Variants in DNAJB14 observed in about 807,000 individuals in gnomAD.
The protein encoded by DNAJB14 is DnaJ heat shock protein family (Hsp40) member B14.
A neutral mutation model predicts 48.4 loss-of-function variants in DNAJB14; 22 were observed. That is an observed-to-expected ratio of 0.45 (90% CI 0.32 to 0.65). DNAJB14 has a LOEUF of 0.65. DNAJB14 is among the 30% of genes least tolerant of loss of function. The pLI, the probability that DNAJB14 is intolerant of heterozygous loss-of-function variation, is 0.03. For synonymous variants in DNAJB14, 142 were observed against 158.7 expected, an observed-to-expected ratio of 0.89 and a Z score of 0.79; for missense variants, 319 against 458.8, an observed-to-expected ratio of 0.70 and a Z score of 2.78.
At chr4:99,943,683 G>C (rs562800628) in intron 1 of DNAJB14, among the ~76,000 whole-genome samples, 5 of 152,156 alleles carry the variant, frequency 3.3e-5, no homozygotes, top group Non-Finnish European at 2.9e-5. Context: ...AAGCTAGTAG[G>C]TGGAGTCAGA....
intron 4 of DNAJB14, among the ~76,000 whole-genome samples, chr4:99,908,509 A>T (rs1009971355): frequency 3.4e-4 from 52 of 152,086 alleles, no homozygotes; most frequent in African/African-American, 1.2e-3. Flanking sequence ...TTTTTAAATT[A>T]AAATATGTTC....
intron 3 of DNAJB14, among the ~76,000 whole-genome samples, chr4:99,915,925 C>T (rs991246522): frequency 5.3e-5 from 8 of 152,064 alleles, no homozygotes; most frequent in African/African-American, 1.9e-4. Flanking sequence ...GGTGCATATA[C>T]ATTTATGTCT....
intron 1 of DNAJB14, among the ~76,000 whole-genome samples, chr4:99,939,191 G>A (rs983697746): frequency 1.3e-5 from 2 of 152,086 alleles, no homozygotes; most frequent in Non-Finnish European, 2.9e-5. Context: ...GGGAAACCCC[G>A]TCTCTACTAA....
rs542422454 is a variant in DNAJB14, at chr4:99,896,896, A to G, written c.*4132T>C. The G allele has an allele frequency of 6.6e-6, 1 of 152,242 alleles. No individual in the cohort carries two copies. The highest frequency in any genetic ancestry group is 2.4e-5 in the African/African-American group (1 of 41,574). 9.4% of individuals were successfully genotyped at this position (152,242 alleles called of 1,614,324 possible). A position where few individuals can be genotyped will look rare whatever the true frequency, so the allele number is the denominator to read the frequency against. On this transcript the variant is annotated 3_prime_UTR_variant, in exon 8 of 8. Transcript: ENST00000442697. ...AGACATCTTGGCAACTAGTCATCCC[A>G]GTTTTTACTAACTTACTAAACAAGG...
rs765435802 is a variant in DNAJB14 at position 99,896,765 on chromosome 4, T to C, written c.*4263A>G. 1 of 152,164 alleles carries C rather than the reference T, an allele frequency of 6.6e-6. No homozygotes were observed. Among genetic ancestry groups the C allele is most frequent in the Non-Finnish European group, 1.5e-5 (1 of 67,984 alleles). 9.4% of individuals were successfully genotyped at this position (152,164 alleles called of 1,614,324 possible). ...TCACTGAAAATCTCTATGATTTTAA[T>C]GGTGTCCTTAAATGGCAAAGTAGAA... On this transcript the variant is annotated 3_prime_UTR_variant, in exon 8 of 8. Transcript: ENST00000442697.
At chr4:99,923,400 A>G (rs1489246503) in intron 2 of DNAJB14, among the ~76,000 whole-genome samples, 1 of 152,178 alleles carries the variant, frequency 6.6e-6, no homozygotes, top group Non-Finnish European at 1.5e-5. Flanking sequence ...AGAAGAGTAA[A>G]CCATGAAAAT....
At chr4:99,923,879 T>C in intron 2 of DNAJB14, 1 of 985,130 alleles carries the variant, frequency 1.0e-6, no homozygotes, top group South Asian at 4.7e-5. Context: ...TATCACTCTC[T>C]GAAAAAGATA....
intron 2 of DNAJB14, chr4:99,923,716 G>T (rs1269086433): frequency 3.1e-6 from 3 of 976,376 alleles, no homozygotes; most frequent in African/African-American, 3.5e-5. Context: ...ATTTATTTTT[G>T]ATATAGATGG....
intron 3 of DNAJB14, among the ~76,000 whole-genome samples, chr4:99,915,839 A>G (rs1725835319): frequency 6.6e-6 from 1 of 152,212 alleles, no homozygotes. Context: ...AGAGTCTCCA[A>G]CTATAATTGT....
chr4:99,934,789 C>CAAAAAAAAAAAAA lies in DNAJB14; in HGVS notation c.134-4181_134-4169dup, dbSNP rs1167945149. ...CCTGGGTGACAGAGCAAGACTGTCT[C>CAAAAAAAAAAAAA]AAAAAAAAAAAAAAAAAAAAAAAAA... On this transcript the variant is annotated intron_variant, in intron 1 of 7. Coordinates refer to ENST00000442697, the MANE Select transcript of DNAJB14 (RefSeq NM_001031723.4). 1.0e-3 allele frequency among the ~76,000 whole-genome samples: 7 copies of CAAAAAAAAAAAAA among 6,778 alleles called. 3 individuals are homozygous for CAAAAAAAAAAAAA. Among genetic ancestry groups the CAAAAAAAAAAAAA allele is most frequent in the African/African-American group, 1.2e-3 (2 of 1,610 alleles). 4.4% of individuals were successfully genotyped at this position (6,778 alleles called of 152,430 possible).
At chr4:99,905,576 A>G in intron 6 of DNAJB14, 21 bp downstream of exon 6, 2 of 1,579,770 alleles carry the variant, frequency 1.3e-6, no homozygotes, top group Non-Finnish European at 1.7e-6. Context: ...ATTTTTTGTA[A>G]AACTTCACTT....
chr4:99,908,660 T>C (rs772945089), intron 4 of DNAJB14, 51 bp downstream of exon 4: 7 of 1,338,314 alleles, frequency 5.2e-6, no homozygotes, highest in Non-Finnish European at 7.0e-6. Flanking sequence ...TAACTGGAGG[T>C]AAGACTATGT....
At position 99,930,564 on chromosome 4, in the gene DNAJB14, C is replaced by T. The variant is rs141268475; in HGVS notation, c.191G>A (p.Arg64Gln). 45 of 1,612,442 alleles carry T rather than the reference C, an allele frequency of 2.8e-5. No individual in the cohort carries two copies. The African/African-American group carries it at 3.2e-4, about 11-fold the overall frequency. ...GSTAGNSPHC[R>Q]KPSGSGDQSK... is the part of the protein sequence containing the mutation. ...TTGATCGCCACTACCTGATGGTTTT[C>T]GGCAATGAGGGCTATTTCCAGCCGT... The change falls in exon 2 of 8, where the codon CGA (arginine) becomes CAA (glutamine). Residue 64 changes from arginine to glutamine, a missense_variant. This residue lies in a region of DNAJB14 where 116 missense variants were observed against 134.6 expected (regional missense o/e 0.86). Coordinates refer to ENST00000442697, the MANE Select transcript of DNAJB14 (RefSeq NM_001031723.4).
chr4:99,922,847 T>C (rs369068816), intron 3 of DNAJB14, 193 bp downstream of exon 3: 1 of 539,088 alleles, frequency 1.9e-6, no homozygotes, highest in African/African-American at 1.9e-5. Context: ...AATGTTGCTT[T>C]TGTGAAGCCA....
rs1006404972 is a variant in DNAJB14 at position 99,946,467 on chromosome 4, C to T, written c.105G>A (p.Glu35=). The stretch of plus-strand genomic sequence containing the variant: ...GGGCCGAGGGCAGTGGGTAGAGCTT[C>T]TCGGCCTTCTGCAGGAAGCGCTGGG... ...EKAQRFLQKA[E]KLYPLPSARA... Residue 35 remains glutamate, a synonymous_variant, in exon 1 of 8, where the codon GAG becomes GAA. Coordinates refer to ENST00000442697, the MANE Select transcript of DNAJB14 (RefSeq NM_001031723.4). 25 of 1,613,444 alleles carry T rather than the reference C, an allele frequency of 1.5e-5. No homozygotes were observed. The highest frequency in any genetic ancestry group is 2.1e-5 in the Non-Finnish European group (25 of 1,179,708).
chr4:99,945,358 G>T (rs1458767582), intron 1 of DNAJB14, among the ~76,000 whole-genome samples: 1 of 152,120 alleles, frequency 6.6e-6, no homozygotes, highest in Admixed American at 6.5e-5. Context: ...AAATTTAAGA[G>T]ACAACAAAAC....
intron 1 of DNAJB14, among the ~76,000 whole-genome samples, chr4:99,936,592 A>G (rs1726684735): frequency 6.6e-6 from 1 of 152,214 alleles, no homozygotes; most frequent in African/African-American, 2.4e-5. Flanking sequence ...ACCATTTTCC[A>G]GTAAAAGGAG....
intron 2 of DNAJB14, chr4:99,924,907 A>G (rs1450394543): frequency 4.8e-6 from 4 of 829,442 alleles, no homozygotes; most frequent in Non-Finnish European, 8.3e-6. Flanking sequence ...ATCTGACCGA[A>G]AAGATGTGAA....
At chr4:99,905,434 T>G (rs1283244208) in intron 6 of DNAJB14, among the ~76,000 whole-genome samples, 163 bp downstream of exon 6, 1 of 145,066 alleles carries the variant, frequency 6.9e-6, no homozygotes, top group Non-Finnish European at 1.6e-5. Context: ...AATTTATTAC[T>G]TAAAGTAACT....
Sources: gnomAD v4.1 joint callset for allele counts (sites outside exome capture counted in the v4.1 genomes callset) on GRCh38, gnomAD v4.1.1 for gene constraint, gnomAD v4.1.1 regional missense constraint, MANE v1.5 for transcripts, NCBI Gene and HGNC (gene_info 2026-07-23, HGNC 2026-07-21) for gene names.